Variants in ERBB4 observed in about 807,000 individuals in gnomAD.
ERBB4 encodes receptor tyrosine-protein kinase erbB-4.
Under a neutral mutation model 158.0 loss-of-function variants are expected in ERBB4, and 42 were observed. That is an observed-to-expected ratio of 0.27 (90% CI 0.21 to 0.34). The LOEUF (loss-of-function observed/expected upper bound fraction) is 0.34, where lower values mean the gene tolerates loss of function less well. Ranked by LOEUF, ERBB4 falls within the 10% of genes least tolerant of loss-of-function variation. The pLI is 1.00. For synonymous variants in ERBB4, 583 were observed against 558.7 expected, an observed-to-expected ratio of 1.04 and a Z score of -0.61; for missense variants, 1,333 against 1,624.1, an observed-to-expected ratio of 0.82 and a Z score of 3.08.
intron 25 of ERBB4, 51 bp downstream of exon 25, chr2:211,420,390 T>A: frequency 7.7e-7 from 1 of 1,306,826 alleles, no homozygotes; most frequent in Non-Finnish European, 1.1e-6. Flanking sequence ...AACTATTACA[T>A]GATTTTATAT....
At chr2:211,657,973 T>C in intron 15 of ERBB4, 145 bp from the exon 16 acceptor site, 1 of 1,603,978 alleles carries the variant, frequency 6.2e-7, no homozygotes, top group Non-Finnish European at 8.5e-7. Flanking sequence ...CGATGCAGTC[T>C]TCAATACTTG....
At chr2:212,014,715 C>T (rs1271290915) in intron 2 of ERBB4, among the ~76,000 whole-genome samples, 1 of 152,014 alleles carries the variant, frequency 6.6e-6, no homozygotes, top group Admixed American at 6.6e-5. Flanking sequence ...TACCCTTCAA[C>T]CATTCTTCCT....
intron 16 of ERBB4, among the ~76,000 whole-genome samples, chr2:211,639,753 A>G (rs1178943467): frequency 6.6e-6 from 1 of 151,922 alleles, no homozygotes; most frequent in Admixed American, 6.6e-5. Flanking sequence ...AAGGAGTCTT[A>G]CTCTGTTCCC....
chr2:211,952,978 T>C (rs2080917687), intron 2 of ERBB4, among the ~76,000 whole-genome samples: 1 of 152,112 alleles, frequency 6.6e-6, no homozygotes, highest in Admixed American at 6.6e-5. Context: ...CAATTTGCAA[T>C]TTATTCCTAA....
chr2:211,762,534 A>G (rs10932398), intron 4 of ERBB4, among the ~76,000 whole-genome samples: 65,312 of 151,940 alleles, frequency 0.43, 14,593 homozygotes, highest in Middle Eastern at 0.55. Context: ...CCATGGATGG[A>G]GCAATGGTGG....
In ERBB4 at chr2:211,424,145, G is replaced by T; in HGVS notation, c.2866+10C>A. The T allele has an allele frequency of 1.9e-6, 3 of 1,610,254 alleles. No individual in the cohort carries two copies. Among genetic ancestry groups the T allele is most frequent in the Non-Finnish European group, 2.5e-6 (3 of 1,176,790 alleles). On this transcript the variant is annotated intron_variant, in intron 23 of 27. Coordinates refer to ENST00000342788, the MANE Select transcript of ERBB4 (RefSeq NM_005235.3). ...ATGATGATGGTGATAACATTATTTT[G>T]CAGTCTTACATTTGACCATGACCAT... is the stretch of plus-strand genomic sequence containing the variant.
At chr2:212,145,899 G>C (rs2080653713) in intron 1 of ERBB4, among the ~76,000 whole-genome samples, 1 of 151,958 alleles carries the variant, frequency 6.6e-6, no homozygotes, top group African/African-American at 2.4e-5. Context: ...TCACCACTGT[G>C]GAAAACTCTT....
intron 2 of ERBB4, among the ~76,000 whole-genome samples, chr2:212,004,375 C>T (rs1469706570): frequency 6.6e-6 from 1 of 152,164 alleles, no homozygotes; most frequent in African/African-American, 2.4e-5. Flanking sequence ...CCTTTTGCTT[C>T]TCCCAAAGTG....
intron 3 of ERBB4, among the ~76,000 whole-genome samples, chr2:211,792,202 C>T (rs1285180500): frequency 4.0e-5 from 6 of 151,734 alleles, no homozygotes; most frequent in East Asian, 1.9e-4. Flanking sequence ...TGAAAGTTAT[C>T]GTTTCCCATA....
At chr2:212,352,894 A>T (rs1343825093) in intron 1 of ERBB4, among the ~76,000 whole-genome samples, 1 of 152,112 alleles carries the variant, frequency 6.6e-6, no homozygotes, top group Admixed American at 6.6e-5. Context: ...AACAAAATAA[A>T]GAAATAAATT....
chr2:211,821,489 A>G (rs966562891), intron 3 of ERBB4, among the ~76,000 whole-genome samples: 17 of 152,050 alleles, frequency 1.1e-4, no homozygotes, highest in Admixed American at 7.9e-4. Flanking sequence ...CAAAATATCA[A>G]TGATGTTTTT....
At chr2:212,459,376 T>C (rs1449045650) in intron 1 of ERBB4, among the ~76,000 whole-genome samples, 1 of 114,022 alleles carries the variant, frequency 8.8e-6, no homozygotes, top group Non-Finnish European at 1.8e-5. Flanking sequence ...AAATAAAATA[T>C]TAAAAGGAAT....
intron 3 of ERBB4, among the ~76,000 whole-genome samples, chr2:211,881,600 G>GT (rs1376496156): frequency 4.3e-5 from 6 of 138,504 alleles, no homozygotes; most frequent in Non-Finnish European, 6.2e-5. Context: ...TGGGGTGGGG[G>GT]TCGGGGGGGC....
chr2:212,381,446 C>A (rs1309616391), intron 1 of ERBB4, among the ~76,000 whole-genome samples: 2 of 151,238 alleles, frequency 1.3e-5, no homozygotes. Flanking sequence ...AAACCATAAA[C>A]AAAAATAAGT....
chr2:211,571,995 T>C (rs1223302509), intron 19 of ERBB4, among the ~76,000 whole-genome samples: 4 of 152,310 alleles, frequency 2.6e-5, no homozygotes, highest in African/African-American at 4.8e-5. Flanking sequence ...CTTGGATTTA[T>C]ATTTGGTATT....
At chr2:211,809,409 T>C (rs967764558) in intron 3 of ERBB4, among the ~76,000 whole-genome samples, 19 of 152,304 alleles carry the variant, frequency 1.2e-4, no homozygotes, top group Middle Eastern at 3.4e-3. Context: ...CTTCCTAGTT[T>C]AGTTTTGGGA....
chr2:211,494,613 T>TCTCA (rs2065424953), intron 20 of ERBB4, among the ~76,000 whole-genome samples: 1 of 152,120 alleles, frequency 6.6e-6, no homozygotes, highest in South Asian at 2.1e-4. Flanking sequence ...AAAGAAGACT[T>TCTCA]CTCAGAAATA....
chr2:212,261,221 T>C (rs1473142278), intron 1 of ERBB4, among the ~76,000 whole-genome samples: 1 of 152,326 alleles, frequency 6.6e-6, no homozygotes, highest in Non-Finnish European at 1.5e-5. Context: ...TGTTTGATTA[T>C]ATACAAGGTT....
intron 5 of ERBB4, among the ~76,000 whole-genome samples, chr2:211,743,693 T>C (rs1192297988): frequency 6.6e-6 from 1 of 152,160 alleles, no homozygotes; most frequent in African/African-American, 2.4e-5. Flanking sequence ...TTCTATAAGC[T>C]TCAGACTTCA....
Sources: gnomAD v4.1 joint callset for allele counts (sites outside exome capture counted in the v4.1 genomes callset) on GRCh38, gnomAD v4.1.1 for gene constraint, MANE v1.5 for transcripts, NCBI Gene and HGNC (gene_info 2026-07-23, HGNC 2026-07-21) for gene names.